Variants in MARCHF1 observed in about 807,000 individuals in gnomAD.
MARCHF1 encodes the protein membrane associated ring-CH-type finger 1.
Under a neutral mutation model 54.2 loss-of-function variants are expected in MARCHF1, and 40 were observed. The observed-to-expected ratio is 0.74, with a 90% CI of 0.57 to 0.96. The LOEUF (loss-of-function observed/expected upper bound fraction) is 0.96. MARCHF1 is among the 40% of genes least tolerant of loss of function. The pLI is 0.00. For synonymous variants in MARCHF1, 236 were observed against 236.3 expected (o/e 1.00, Z 0.01); for missense variants, 586 against 656.5 (o/e 0.89, Z 1.17).
chr4:164,101,460 C>A (rs1431067849), intron 2 of MARCHF1, among the ~76,000 whole-genome samples: 8 of 124,602 alleles, frequency 6.4e-5, no homozygotes, highest in Non-Finnish European at 1.1e-4. Flanking sequence ...TGACCCCTGA[C>A]CCCCGAGCAG....
chr4:163,911,203 A>G (rs778870374), intron 3 of MARCHF1, among the ~76,000 whole-genome samples: 1 of 152,176 alleles, frequency 6.6e-6, no homozygotes, highest in East Asian at 1.9e-4. Context: ...TTTACCATCT[A>G]TCTTTATCAC....
chr4:163,888,689 G>T (rs1579367985), intron 3 of MARCHF1, among the ~76,000 whole-genome samples: 1 of 152,116 alleles, frequency 6.6e-6, no homozygotes, highest in African/African-American at 2.4e-5. Context: ...CTATTGATGT[G>T]CAGCCAAATC....
intron 3 of MARCHF1, among the ~76,000 whole-genome samples, chr4:163,919,903 C>A (rs1445395796): frequency 6.6e-6 from 1 of 152,090 alleles, no homozygotes; most frequent in Non-Finnish European, 1.5e-5. Flanking sequence ...GGTCCTGCAT[C>A]CTATTCATAA....
chr4:164,020,189 T>A (rs971658743), intron 2 of MARCHF1, among the ~76,000 whole-genome samples: 3 of 152,186 alleles, frequency 2.0e-5, no homozygotes, highest in African/African-American at 7.2e-5. Context: ...AAAAAGTCTC[T>A]TTCCAAATAA....
chr4:163,957,988 A>G (rs1364418506), intron 3 of MARCHF1, among the ~76,000 whole-genome samples: 1 of 152,042 alleles, frequency 6.6e-6, no homozygotes, highest in Non-Finnish European at 1.5e-5. Flanking sequence ...TCACATTTAG[A>G]ATAAAAAACA....
chr4:164,177,913 T>C (rs565103820), intron 1 of MARCHF1, among the ~76,000 whole-genome samples: 1 of 152,200 alleles, frequency 6.6e-6, no homozygotes, highest in African/African-American at 2.4e-5. Context: ...CAAGAAGCAC[T>C]GCATCTGCTT....
chr4:163,888,349 G>T (rs893837704), intron 3 of MARCHF1, among the ~76,000 whole-genome samples: 4 of 152,096 alleles, frequency 2.6e-5, no homozygotes, highest in African/African-American at 9.7e-5. Context: ...ATTAGACATG[G>T]AAACAAAATA....
In MARCHF1 at chr4:163,834,638, T is replaced by C. The variant is rs534533628; in HGVS notation, c.111+19383A>G. ...CCACAACAGTCCCCAGAGTGTGATGTTCCCCTTAGGGACATGGATGAAATT... is the reference window on the plus strand; with the variant it reads ...CCACAACAGTCCCCAGAGTGTGATGCTCCCCTTAGGGACATGGATGAAATT... On this transcript the variant is annotated intron_variant, in intron 4 of 9. Transcript: ENST00000514618. Among the ~76,000 whole-genome samples the C allele has an allele frequency of 2.3e-4, 29 of 128,700 alleles. No individual in the cohort carries two copies. The South Asian group carries it at 7.0e-3, about 31-fold the overall frequency. 84.4% of individuals were successfully genotyped at this position (128,700 alleles called of 152,430 possible).
intron 1 of MARCHF1, among the ~76,000 whole-genome samples, chr4:164,363,345 ACT>A (rs1270551791): frequency 1.3e-5 from 2 of 152,118 alleles, no homozygotes; most frequent in African/African-American, 2.4e-5. Context: ...TTCTGAGATA[ACT>A]CTTTCTCCTA....
chr4:163,631,696 T>C (rs912650112), intron 5 of MARCHF1, among the ~76,000 whole-genome samples: 1 of 152,178 alleles, frequency 6.6e-6, no homozygotes, highest in Non-Finnish European at 1.5e-5. Context: ...TAATTAAGAA[T>C]ATATTTAAGA....
intron 5 of MARCHF1, among the ~76,000 whole-genome samples, chr4:163,683,366 G>T (rs891903972): frequency 2.0e-5 from 3 of 152,042 alleles, no homozygotes; most frequent in Non-Finnish European, 2.9e-5. Context: ...AGAACAGCAC[G>T]GGAAAGACCT....
At chr4:164,017,917 G>C (rs149566939) in intron 2 of MARCHF1, among the ~76,000 whole-genome samples, 2 of 151,062 alleles carry the variant, frequency 1.3e-5, no homozygotes, top group Admixed American at 1.3e-4. Flanking sequence ...AAAGCCACAG[G>C]AATTAAAACT....
At chr4:164,142,781 G>A (rs916252394) in intron 1 of MARCHF1, among the ~76,000 whole-genome samples, 3 of 152,128 alleles carry the variant, frequency 2.0e-5, no homozygotes, top group African/African-American at 7.2e-5. Flanking sequence ...TCCTCCAAAG[G>A]AACGCAGTTC....
At position 163,929,960 on chromosome 4, in the gene MARCHF1, TATA is replaced by T. The variant is rs1459451166; in HGVS notation, c.-39+58538_-39+58540del. 1.0e-3 allele frequency among the ~76,000 whole-genome samples: 34 copies of T among 32,772 alleles called. 1 individual carries two copies. The highest frequency in any genetic ancestry group is 1.3e-3 in the Non-Finnish European group (25 of 18,968). The allele number at this position is 32,772 out of a possible 152,430, so 21.5% of individuals were successfully genotyped here. ...ATATATTTATATTATATATATTATA[TATA>T]ATATATATAATATATATAATATATA... On this transcript the variant is annotated intron_variant, in intron 3 of 9. Transcript: ENST00000514618.
At chr4:163,748,226 A>C (rs1422326557) in intron 4 of MARCHF1, among the ~76,000 whole-genome samples, 1 of 152,180 alleles carries the variant, frequency 6.6e-6, no homozygotes, top group African/African-American at 2.4e-5. Flanking sequence ...ATCTTTCAGA[A>C]GATTTGCGTC....
intron 2 of MARCHF1, among the ~76,000 whole-genome samples, chr4:164,066,358 G>A (rs1490550554): frequency 6.6e-6 from 1 of 152,122 alleles, no homozygotes; most frequent in Non-Finnish European, 1.5e-5. Context: ...CTATTAAAAA[G>A]TCAAAAAATA....
intron 2 of MARCHF1, among the ~76,000 whole-genome samples, chr4:164,076,747 CAGAG>C (rs1247149748): frequency 2.0e-5 from 3 of 152,124 alleles, no homozygotes; most frequent in East Asian, 3.9e-4. Flanking sequence ...CAATAAGAGA[CAGAG>C]AGCCAAATCA....
chr4:163,943,447 C>A lies in MARCHF1; in HGVS notation c.-39+45054G>T, dbSNP rs917196226. 4.6e-5 allele frequency among the ~76,000 whole-genome samples: 7 copies of A among 152,182 alleles called. No individual in the cohort carries two copies. The South Asian group carries it at 1.5e-3, about 32-fold the overall frequency. On this transcript the variant is annotated intron_variant, in intron 3 of 9. Coordinates refer to ENST00000514618, the MANE Select transcript of MARCHF1 (RefSeq NM_001394959.1). Reference sequence around the variant, plus strand: ...CAGCAACATCTATTGAATAGGGAGTCTTTTCCCCATTGTTTTTGTTAGCTT... The same window carrying A: ...CAGCAACATCTATTGAATAGGGAGTATTTTCCCCATTGTTTTTGTTAGCTT...
intron 3 of MARCHF1, chr4:163,932,494 C>A: frequency 2.8e-6 from 1 of 361,802 alleles, no homozygotes; most frequent in Non-Finnish European, 5.4e-6. Flanking sequence ...CAAATTCCAT[C>A]TCAACAAACT....
Sources: allele counts gnomAD v4.1 joint callset (sites outside exome capture counted in the v4.1 genomes callset), GRCh38; gene constraint gnomAD v4.1.1; transcripts MANE v1.5; gene names NCBI Gene and HGNC (gene_info 2026-07-23, HGNC 2026-07-21).